SCAI: variants seen among roughly 807,000 people sequenced by gnomAD.
SCAI encodes the protein suppressor of cancer cell invasion, also known as protein SCAI.
Under a neutral mutation model 92.2 loss-of-function variants are expected in SCAI, and 24 were observed. The ratio of observed to expected loss-of-function variants is 0.26; its 90% confidence interval spans 0.19 to 0.37. The LOEUF is 0.37. Ranked by LOEUF, SCAI falls within the 10% of genes least tolerant of loss-of-function variation. SCAI has a pLI of 1.00. For missense variants in SCAI, 450 were observed against 736.2 expected, an observed-to-expected ratio of 0.61 and a Z score of 4.50; for synonymous variants, 261 against 258.6, an observed-to-expected ratio of 1.01 and a Z score of -0.09.
intron 2 of SCAI, among the ~76,000 whole-genome samples, chr9:125,071,903 G>A (rs1833986192): frequency 6.6e-6 from 1 of 152,338 alleles, no homozygotes; most frequent in South Asian, 2.1e-4. Context: ...TTAGCATGAC[G>A]TGTTCAGGGC....
chr9:125,130,311 A>T (rs1835371474), intron 2 of SCAI, among the ~76,000 whole-genome samples: 1 of 152,138 alleles, frequency 6.6e-6, no homozygotes, highest in Non-Finnish European at 1.5e-5. Flanking sequence ...CAAAATTCAG[A>T]CTGTGGAAAA....
At chr9:125,042,672 C>CACACACACA in intron 3 of SCAI, among the ~76,000 whole-genome samples, 1 of 126,964 alleles carries the variant, frequency 7.9e-6, no homozygotes, top group African/African-American at 2.8e-5. Context: ...CACACATATA[C>CACACACACA]AAAAAGAAAC....
At chr9:124,956,079 G>A (rs1027527314) in intron 17 of SCAI, among the ~76,000 whole-genome samples, 3 of 152,014 alleles carry the variant, frequency 2.0e-5, no homozygotes, top group African/African-American at 7.3e-5. Context: ...AAGACATTAC[G>A]AGAAAAATAA....
At chr9:125,020,989 GA>G (rs1365467510) in intron 6 of SCAI, among the ~76,000 whole-genome samples, 2 of 152,038 alleles carry the variant, frequency 1.3e-5, no homozygotes, top group Non-Finnish European at 2.9e-5. Context: ...TGAGAACTTA[GA>G]TGCATCAGAT....
intron 1 of SCAI, 146 bp from the exon 2 acceptor site, chr9:125,142,823 T>C (rs1835700043): frequency 7.4e-6 from 5 of 676,162 alleles, no homozygotes; most frequent in Middle Eastern, 3.3e-4. Flanking sequence ...AAACGCCTCA[T>C]GCCCTGTTTC....
intron 5 of SCAI, among the ~76,000 whole-genome samples, chr9:125,027,620 A>G (rs1028989555): frequency 6.6e-6 from 1 of 152,116 alleles, no homozygotes; most frequent in African/African-American, 2.4e-5. Flanking sequence ...TCCCAGGTTC[A>G]AGCAATTTTC....
intron 3 of SCAI, among the ~76,000 whole-genome samples, chr9:125,041,413 C>T (rs899056837): frequency 1.3e-5 from 2 of 152,160 alleles, no homozygotes; most frequent in Admixed American, 6.6e-5. Flanking sequence ...TCAGCAACAC[C>T]AACTTTGTGA....
chr9:125,005,885 T>C (rs1358801441), intron 9 of SCAI, among the ~76,000 whole-genome samples: 2 of 152,194 alleles, frequency 1.3e-5, no homozygotes, highest in South Asian at 4.1e-4. Flanking sequence ...TTAGCCTTTG[T>C]TCTGAGAAGA....
At chr9:125,130,173 A>G (rs1453081410) in intron 2 of SCAI, among the ~76,000 whole-genome samples, 1 of 152,208 alleles carries the variant, frequency 6.6e-6, no homozygotes, top group Non-Finnish European at 1.5e-5. Context: ...TGCTGGGATT[A>G]CAGGCATGAG....
chr9:125,084,361 G>A (rs931718079), intron 2 of SCAI, among the ~76,000 whole-genome samples: 23 of 151,670 alleles, frequency 1.5e-4, no homozygotes, highest in Non-Finnish European at 2.5e-4. Context: ...TAGTAGAGAC[G>A]GGGTTTCACC....
At chr9:125,026,075 C>A (rs1040802997) in intron 6 of SCAI, among the ~76,000 whole-genome samples, 4 of 152,054 alleles carry the variant, frequency 2.6e-5, no homozygotes, top group Admixed American at 1.3e-4. Flanking sequence ...TGGAAGTAAT[C>A]AAATCACAAT....
intron 5 of SCAI, among the ~76,000 whole-genome samples, chr9:125,027,439 T>C (rs1832984717): frequency 6.6e-6 from 1 of 152,234 alleles, no homozygotes; most frequent in South Asian, 2.1e-4. Context: ...AGAGTGATTT[T>C]AGTGGTGGGA....
intron 2 of SCAI, among the ~76,000 whole-genome samples, chr9:125,105,723 A>G (rs1215804222): frequency 6.6e-6 from 1 of 152,188 alleles, no homozygotes; most frequent in Non-Finnish European, 1.5e-5. Flanking sequence ...TTACATTACT[A>G]TATTTTATCT....
chr9:124,989,660 A>AGG (rs1832076315), intron 14 of SCAI, among the ~76,000 whole-genome samples: 1 of 150,980 alleles, frequency 6.6e-6, no homozygotes, highest in African/African-American at 2.4e-5. Context: ...AAGGTGGGTA[A>AGG]ATCATCTGAG....
chr9:125,116,349 T>G (rs769527194), intron 2 of SCAI, among the ~76,000 whole-genome samples: 8 of 152,298 alleles, frequency 5.3e-5, no homozygotes, highest in African/African-American at 9.6e-5. Context: ...GAAATATCCC[T>G]GCCCTCACAG....
chr9:125,123,595 G>A (rs1035768876), intron 2 of SCAI, among the ~76,000 whole-genome samples: 4 of 152,092 alleles, frequency 2.6e-5, no homozygotes, highest in African/African-American at 9.7e-5. Context: ...GCTAACACGT[G>A]AAACCCCGTC....
intron 2 of SCAI, among the ~76,000 whole-genome samples, chr9:125,126,855 A>G (rs937530145): frequency 3.3e-5 from 5 of 152,298 alleles, no homozygotes; most frequent in African/African-American, 1.2e-4. Flanking sequence ...TAAGACATCA[A>G]TGGATGTTTT....
At chr9:124,973,781 C>A (rs1831704494) in intron 15 of SCAI, among the ~76,000 whole-genome samples, 1 of 152,014 alleles carries the variant, frequency 6.6e-6, no homozygotes. Context: ...TGAGCTGAGA[C>A]TGCGCCACTG....
intron 2 of SCAI, among the ~76,000 whole-genome samples, chr9:125,082,913 T>C (rs895729658): frequency 1.3e-5 from 2 of 152,240 alleles, no homozygotes; most frequent in East Asian, 1.9e-4. Flanking sequence ...AATGAAACTT[T>C]GGACTTTTGA....
Sources: gnomAD v4.1 joint callset for allele counts (sites outside exome capture counted in the v4.1 genomes callset) on GRCh38, gnomAD v4.1.1 for gene constraint, MANE v1.5 for transcripts, NCBI Gene and HGNC (gene_info 2026-07-23, HGNC 2026-07-21) for gene names.